PHF20L1: variants seen among roughly 807,000 people sequenced by gnomAD.
PHF20L1 encodes the protein PHD finger protein 20-like protein 1.
A neutral mutation model predicts 125.5 loss-of-function variants in PHF20L1; 44 were observed. The ratio of observed to expected loss-of-function variants is 0.35; its 90% CI spans 0.28 to 0.45. The LOEUF (loss-of-function observed/expected upper bound fraction) is 0.45. Ranked by LOEUF, PHF20L1 falls within the 20% of genes least tolerant of loss-of-function variation. The pLI is 1.00. For synonymous variants in PHF20L1, 380 were observed against 403.1 expected, an observed-to-expected ratio of 0.94 and a Z score of 0.69; for missense variants, 1,012 against 1,217.2, an observed-to-expected ratio of 0.83 and a Z score of 2.51.
intron 15 of PHF20L1, among the ~76,000 whole-genome samples, chr8:132,832,699 TTGATA>T (rs1272501738): frequency 6.6e-6 from 1 of 152,124 alleles, no homozygotes; most frequent in Non-Finnish European, 1.5e-5. Flanking sequence ...TTATTCACAT[TTGATA>T]TATAAACAAG....
rs778431679 is a variant in PHF20L1 at position 132,803,992 on chromosome 8, AGAG to A, written c.682_684del (p.Glu228del). 6.2e-7 allele frequency: 1 copy of A among 1,612,202 alleles called. No individual in the cohort carries two copies. Among genetic ancestry groups the A allele is most frequent in the South Asian group, 1.1e-5 (1 of 91,022 alleles). Reference sequence around the variant, plus strand: ...CAACTTGTATAGCCACACCAGACGTAGAGAAGAAGGAAGATCTGCCTACATCTA... The same window carrying A: ...CAACTTGTATAGCCACACCAGACGTAAAGAAGGAAGATCTGCCTACATCTA... On this transcript the variant is annotated inframe_deletion, in exon 7 of 21. Coordinates refer to ENST00000395386, the MANE Select transcript of PHF20L1 (RefSeq NM_016018.5).
At chr8:132,813,424 A>C (rs561917796) in intron 9 of PHF20L1, among the ~76,000 whole-genome samples, 10 of 152,082 alleles carry the variant, frequency 6.6e-5, no homozygotes, top group African/African-American at 1.9e-4. Flanking sequence ...ACTTAATACC[A>C]AATATGCACT....
chr8:132,801,203 G>A (rs1019783077), intron 6 of PHF20L1, among the ~76,000 whole-genome samples: 9 of 151,606 alleles, frequency 5.9e-5, no homozygotes, highest in Admixed American at 3.3e-4. Flanking sequence ...TCCTGAGGGC[G>A]TGCTGATACA....
chr8:132,848,459 T>C lies in PHF20L1; in HGVS notation c.*2536T>C, dbSNP rs1318738194. The C allele has an allele frequency of 6.6e-6, 1 of 152,538 alleles. No individual in the cohort carries two copies. Among genetic ancestry groups the C allele is most frequent in the Non-Finnish European group, 1.5e-5 (1 of 67,964 alleles). The allele number at this position is 152,538 out of a possible 1,614,324, so 9.4% of individuals were successfully genotyped here. On this transcript the variant is annotated 3_prime_UTR_variant, in exon 21 of 21. Coordinates refer to ENST00000395386, the MANE Select transcript of PHF20L1 (RefSeq NM_016018.5). ...CTTTTAGTCTTTTTAAATATCACTA[T>C]ATGTATTTAAATAGAAGCAATAAAC...
chr8:132,804,980 T>A (rs1323288823), intron 8 of PHF20L1, among the ~76,000 whole-genome samples: 1 of 151,924 alleles, frequency 6.6e-6, no homozygotes. Flanking sequence ...TGAGGGTTGA[T>A]AAGGACAAAT....
At chr8:132,779,165 A>T (rs74362667) in intron 2 of PHF20L1, among the ~76,000 whole-genome samples, 1,622 of 152,186 alleles carry the variant, frequency 0.011, 29 homozygotes, top group African/African-American at 0.037. Flanking sequence ...TGAGATGGGG[A>T]GGTTAATCGA....
chr8:132,799,481 G>T (rs145082280), intron 6 of PHF20L1: 1 of 197,374 alleles, frequency 5.1e-6, no homozygotes, highest in East Asian at 1.2e-4. Flanking sequence ...AATTCCATTT[G>T]TTGGCTATGT....
At chr8:132,799,213 GGT>G (rs1187550482) in intron 6 of PHF20L1, 41 bp downstream of exon 6, 1 of 1,187,484 alleles carries the variant, frequency 8.4e-7, no homozygotes, top group African/African-American at 1.5e-5. Context: ...TGTTTTTCCT[GGT>G]ATATAATGTC....
At chr8:132,841,968 T>TA (rs774025891) in intron 18 of PHF20L1, 1 of 152,302 alleles carries the variant, frequency 6.6e-6, no homozygotes, top group African/African-American at 2.4e-5. Flanking sequence ...CCTAGCATGT[T>TA]ACGTACAAAA....
chr8:132,834,676 T>C (rs1334263583), intron 15 of PHF20L1, among the ~76,000 whole-genome samples: 1 of 152,042 alleles, frequency 6.6e-6, no homozygotes, highest in Non-Finnish European at 1.5e-5. Flanking sequence ...TTGAAACTGT[T>C]TTACCCACAT....
chr8:132,781,552 C>T (rs1830432260), intron 2 of PHF20L1, among the ~76,000 whole-genome samples: 1 of 152,120 alleles, frequency 6.6e-6, no homozygotes, highest in African/African-American at 2.4e-5. Flanking sequence ...CCTCAGCCTC[C>T]CGAGTAGCTG....
At chr8:132,784,815 A>G (rs892767778) in intron 2 of PHF20L1, among the ~76,000 whole-genome samples, 2 of 152,186 alleles carry the variant, frequency 1.3e-5, no homozygotes, top group Non-Finnish European at 2.9e-5. Context: ...GGGCCACCGT[A>G]GTTTCTGACC....
intron 12 of PHF20L1, among the ~76,000 whole-genome samples, chr8:132,823,795 A>C (rs2131765157): frequency 6.6e-6 from 1 of 152,064 alleles, no homozygotes; most frequent in African/African-American, 2.4e-5. Context: ...TAGTTTGAAT[A>C]ACAAAAATCA....
chr8:132,775,850 C>A (rs1401189996), intron 1 of PHF20L1, among the ~76,000 whole-genome samples: 2 of 152,160 alleles, frequency 1.3e-5, no homozygotes, highest in South Asian at 4.1e-4. Context: ...GCTGTCAAAC[C>A]TGGAGGCTTC....
In PHF20L1 at chr8:132,817,063, T is replaced by G; in HGVS notation, c.1359T>G (p.Ser453=). The G allele has an allele frequency of 6.3e-7, 1 of 1,575,274 alleles. No homozygotes were observed. The highest frequency in any genetic ancestry group is 1.4e-5 in the African/African-American group (1 of 73,476). Residue 453 remains serine (S), a synonymous_variant, in exon 11 of 21, where the codon TCT becomes TCG. Coordinates refer to ENST00000395386, the MANE Select transcript of PHF20L1 (RefSeq NM_016018.5). ...TCAGTTCTCAAAATCAGCAAGAATC[T>G]TCAGTACCAGAGGGTAATGTATATT... is the stretch of plus-strand genomic sequence containing the variant. ...FSISSQNQQE[S]SVPEVPDVAH... is the part of the protein sequence containing the mutation.
At chr8:132,843,717 A>AT in intron 19 of PHF20L1, 1 of 985,104 alleles carries the variant, frequency 1.0e-6, no homozygotes, top group Non-Finnish European at 1.2e-6. Context: ...CTATAACAGT[A>AT]AAGTCCAGTC....
At chr8:132,836,449 C>A in intron 15 of PHF20L1, 91 bp from the exon 16 acceptor site, 1 of 787,374 alleles carries the variant, frequency 1.3e-6, no homozygotes, top group Non-Finnish European at 2.0e-6. Context: ...TGTTTAATAG[C>A]TTATGTTCAC....
chr8:132,775,992 A>G (rs1279887777), intron 1 of PHF20L1, among the ~76,000 whole-genome samples: 4 of 151,676 alleles, frequency 2.6e-5, no homozygotes, highest in Non-Finnish European at 5.9e-5. Flanking sequence ...GTCGGTCTCT[A>G]TGTCTTCTTG....
chr8:132,804,440 T>C, intron 7 of PHF20L1, 175 bp from the exon 8 acceptor site: 1 of 463,430 alleles, frequency 2.2e-6, no homozygotes, highest in Non-Finnish European at 3.8e-6. Context: ...GCTTTAGTAG[T>C]CTTTTATTTC....
Sources: allele counts gnomAD v4.1 joint callset (sites outside exome capture counted in the v4.1 genomes callset), GRCh38; gene constraint gnomAD v4.1.1; transcripts MANE v1.5; gene names NCBI Gene and HGNC (gene_info 2026-07-23, HGNC 2026-07-21).